Variants in SCOC observed in about 807,000 individuals in gnomAD.
SCOC encodes the protein short coiled-coil protein.
Under a neutral mutation model 9.9 loss-of-function variants are expected in SCOC, and 7 were observed. The observed-to-expected ratio is 0.71, with a 90% CI of 0.40 to 1.33. The LOEUF is 1.33. Ranked by LOEUF, SCOC falls within the 40% of genes most tolerant of loss-of-function variation. SCOC has a pLI of 0.01. For missense variants in SCOC, 66 were observed against 89.7 expected, an observed-to-expected ratio of 0.74 and a Z score of 1.07; for synonymous variants, 19 against 28.2, an observed-to-expected ratio of 0.67 and a Z score of 1.03.
intron 1 of SCOC, among the ~76,000 whole-genome samples, chr4:140,279,573 G>T (rs962568485): frequency 6.6e-6 from 1 of 152,082 alleles, no homozygotes; most frequent in Non-Finnish European, 1.5e-5. Flanking sequence ...GCTTCGATTC[G>T]ATTCTTGTGA....
chr4:140,288,788 C>T (rs996826070), intron 1 of SCOC, among the ~76,000 whole-genome samples: 4 of 152,166 alleles, frequency 2.6e-5, no homozygotes, highest in Admixed American at 6.5e-5. Flanking sequence ...ACGCATACCA[C>T]ACATGTTCAC....
chr4:140,357,052 C>T lies in SCOC; in HGVS notation c.70+13344C>T, dbSNP rs528515274. ...TGGTGCAATCTCGGCTCACTGCAAC[C>T]TTCGCCTCCCAGGTTCAAGCGATTT... On this transcript the variant is annotated intron_variant, in intron 2 of 4. Transcript: ENST00000338517. 1.6e-4 allele frequency among the ~76,000 whole-genome samples: 24 copies of T among 152,256 alleles called. No individual in the cohort carries two copies. The East Asian group carries it at 4.6e-3, about 29-fold the overall frequency.
In SCOC at chr4:140,337,741, G is replaced by C. The variant is rs527409522; in HGVS notation, c.-18-5880G>C. Among the ~76,000 whole-genome samples the C allele has an allele frequency of 2.0e-4, 30 of 152,164 alleles. No homozygotes were observed. In the East Asian group the frequency reaches 5.8e-3, roughly 29 times the overall value. On this transcript the variant is annotated intron_variant, in intron 1 of 4. Coordinates refer to the SCOC transcript ENST00000394205. ...TCCTCAACACACACACCCTCCCAAG[G>C]CTAAACCAGGAAGAAGTAGAATCTC...
chr4:140,313,860 G>A (rs1732230647), intron 1 of SCOC, among the ~76,000 whole-genome samples: 1 of 152,062 alleles, frequency 6.6e-6, no homozygotes, highest in Non-Finnish European at 1.5e-5. Flanking sequence ...AGGTGCGGTG[G>A]CTCATGCCTG....
intron 1 of SCOC, among the ~76,000 whole-genome samples, chr4:140,310,416 A>G (rs1560694829): frequency 6.6e-6 from 1 of 152,150 alleles, no homozygotes; most frequent in Non-Finnish European, 1.5e-5. Flanking sequence ...TGGGATTGGT[A>G]TATCCTTTTT....
chr4:140,324,334 C>A (rs1732584701), intron 1 of SCOC, among the ~76,000 whole-genome samples: 1 of 152,102 alleles, frequency 6.6e-6, no homozygotes, highest in Admixed American at 6.6e-5. Context: ...CAATCAACAC[C>A]AGACTGGAAG....
intron 2 of SCOC, among the ~76,000 whole-genome samples, chr4:140,365,093 A>G (rs1240524833): frequency 6.6e-6 from 1 of 152,114 alleles, no homozygotes; most frequent in Non-Finnish European, 1.5e-5. Flanking sequence ...TGCTGAAGAA[A>G]ACTATCCAGA....
At chr4:140,296,375 G>A (rs935815351) in intron 1 of SCOC, among the ~76,000 whole-genome samples, 1 of 152,206 alleles carries the variant, frequency 6.6e-6, no homozygotes, top group Admixed American at 6.5e-5. Flanking sequence ...AACTACTAAG[G>A]GTGGAGCGGC....
intron 1 of SCOC, among the ~76,000 whole-genome samples, chr4:140,338,060 C>G (rs1447409791): frequency 8.5e-5 from 13 of 152,184 alleles, no homozygotes; most frequent in South Asian, 6.2e-4. Context: ...TAAAATACTG[C>G]CAAACTGAAT....
intron 2 of SCOC, among the ~76,000 whole-genome samples, chr4:140,361,589 G>T (rs909258126): frequency 6.6e-6 from 1 of 152,164 alleles, no homozygotes; most frequent in African/African-American, 2.4e-5. Flanking sequence ...AGCCCAGGAA[G>T]TTGAGGCTGC....
intron 1 of SCOC, among the ~76,000 whole-genome samples, chr4:140,312,514 G>A (rs1732187159): frequency 6.6e-6 from 1 of 151,962 alleles, no homozygotes; most frequent in Non-Finnish European, 1.5e-5. Context: ...CTGTAACCTC[G>A]AACTCCTGGG....
At chr4:140,349,218 C>T (rs888772271) in intron 2 of SCOC, among the ~76,000 whole-genome samples, 1 of 152,168 alleles carries the variant, frequency 6.6e-6, no homozygotes. Flanking sequence ...GGTTGAGGCT[C>T]CCTGGAGAGC....
Position 140,284,836 on chromosome 4 carries a change from T to C in SCOC, c.-19+27426T>C, listed in dbSNP as rs573574978. On this transcript the variant is annotated intron_variant, in intron 1 of 4. Transcript: ENST00000394205. ...AAGGAAAGGACAGGCTTAGACTCTGTAGGTTATTTCTGAATAATGGAAATA... is the reference window on the plus strand; with the variant it reads ...AAGGAAAGGACAGGCTTAGACTCTGCAGGTTATTTCTGAATAATGGAAATA... 1.3e-4 allele frequency: 21 copies of C among 166,638 alleles called. No individual in the cohort carries two copies. The South Asian group carries it at 1.6e-3, about 12-fold the overall frequency. The allele number at this position is 166,638 out of a possible 1,614,324, so 10.3% of individuals were successfully genotyped here.
At chr4:140,306,706 T>A (rs1357101453) in intron 1 of SCOC, among the ~76,000 whole-genome samples, 1 of 152,128 alleles carries the variant, frequency 6.6e-6, no homozygotes. Context: ...GCCCTCTAAT[T>A]CCTGCTAGGA....
At chr4:140,305,930 T>C (rs1357456706) in intron 1 of SCOC, among the ~76,000 whole-genome samples, 1 of 152,232 alleles carries the variant, frequency 6.6e-6, no homozygotes. Context: ...TTTCTCCCTT[T>C]TTAAATCCTT....
rs1194410194 is a variant in SCOC at position 140,382,059 on chromosome 4, T to C, written c.*955T>C. On this transcript the variant is annotated 3_prime_UTR_variant, in exon 4 of 4. Coordinates refer to ENST00000608372, the MANE Select transcript of SCOC (RefSeq NM_001153484.2). ...TGGATGAGAACAGTTACAAAGAGTT[T>C]GGTCTCTAAGTTGATTTGTACCCAG... 1.3e-5 allele frequency: 2 copies of C among 152,308 alleles called. No homozygotes were observed. The highest frequency in any genetic ancestry group is 1.9e-4 in the East Asian group (1 of 5,180). The allele number at this position is 152,308 out of a possible 1,614,324, so 9.4% of individuals were successfully genotyped here.
At chr4:140,283,353 T>C (rs1352802978) in intron 1 of SCOC, among the ~76,000 whole-genome samples, 2 of 152,194 alleles carry the variant, frequency 1.3e-5, no homozygotes, top group Admixed American at 6.5e-5. Flanking sequence ...GTATGACTGG[T>C]GTTACTGGTG....
At chr4:140,327,184 T>G (rs1455856038) in intron 1 of SCOC, among the ~76,000 whole-genome samples, 3 of 152,300 alleles carry the variant, frequency 2.0e-5, no homozygotes, top group Non-Finnish European at 4.4e-5. Context: ...GAGTGTTAAG[T>G]GTGAAGCCAT....
chr4:140,264,553 G>A (rs371756023), intron 1 of SCOC, among the ~76,000 whole-genome samples: 1 of 152,126 alleles, frequency 6.6e-6, no homozygotes, highest in South Asian at 2.1e-4. Flanking sequence ...GAATGGTTTC[G>A]ATGCCCTTGA....
Sources: allele counts gnomAD v4.1 joint callset (sites outside exome capture counted in the v4.1 genomes callset), GRCh38; gene constraint gnomAD v4.1.1; transcripts MANE v1.5; gene names NCBI Gene and HGNC (gene_info 2026-07-23, HGNC 2026-07-21).